The following SKI variants were observed in gnomAD, a reference collection of about 807,000 sequenced individuals.
SKI encodes the protein SKI proto-oncogene, also known as ski oncogene.
SKI carries 23 observed loss-of-function variants against 59.3 expected under a neutral mutation model. The observed-to-expected ratio is 0.39, with a 90% CI of 0.28 to 0.55. The LOEUF is 0.55. Among genes scored for constraint, SKI ranks in the 20% least tolerant of loss-of-function variants. The pLI, the probability that SKI is intolerant of heterozygous loss-of-function variation, is 0.67. For missense variants in SKI, 1,017 were observed against 1,038.9 expected, an observed-to-expected ratio of 0.98 and a Z score of 0.29; for synonymous variants, 673 against 488.6, an observed-to-expected ratio of 1.38 and a Z score of -4.98.
Position 2,304,416 on chromosome 1 carries a change from A to G in SKI, c.1598A>G (p.Asp533Gly), listed in dbSNP as rs1640515094. 6.4e-7 allele frequency: 1 copy of G among 1,554,544 alleles called. No homozygotes were observed. The highest frequency in any genetic ancestry group is 1.2e-5 in the South Asian group (1 of 84,364). ...GTCCCTGATGCTGCGGCCCCTGCCG[A>G]CGCCCCCAGTGGGCTGGAGGCGGAG... is the stretch of plus-strand genomic sequence containing the variant. ...SAVPDAAAPA[D>G]APSGLEAELE... The change falls in exon 5 of 7, where the codon GAC becomes GGC. Residue 533 changes from aspartate (D) to glycine (G), a missense_variant. Coordinates refer to ENST00000378536, the MANE Select transcript of SKI (RefSeq NM_003036.4).
rs1015985847 is a variant in SKI at position 2,303,630 on chromosome 1, C to T, written c.1212-210C>T. 1.4e-6 allele frequency: 1 copy of T among 728,338 alleles called. No individual in the cohort carries two copies. The highest frequency in any genetic ancestry group is 1.8e-5 in the African/African-American group (1 of 56,404). The allele number at this position is 728,338 out of a possible 1,614,324, so 45.1% of individuals were successfully genotyped here. ...GAGCCCTGTCTGCTGGGCGCAGCTT[C>T]TTGATGTGTTGGCCTGTGTCTGGCC... On this transcript the variant is annotated intron_variant, in intron 3 of 6. Coordinates refer to ENST00000378536, the MANE Select transcript of SKI (RefSeq NM_003036.4). The surrounding 1 kb of genome is among the most constrained non-coding windows in gnomAD (Gnocchi z 5.6).
intron 1 of SKI, among the ~76,000 whole-genome samples, chr1:2,285,488 C>T (rs1229724689): frequency 6.6e-6 from 1 of 151,670 alleles, no homozygotes; most frequent in East Asian, 2.0e-4. Context: ...GCACTCCAGC[C>T]TGGGTGACAA....
intron 1 of SKI, among the ~76,000 whole-genome samples, chr1:2,233,163 C>T (rs746496497): frequency 2.6e-5 from 4 of 150,970 alleles, no homozygotes; most frequent in Non-Finnish European, 5.9e-5. Context: ...TCCCTTGGGC[C>T]GTGGCAGGAT....
At chr1:2,289,973 C>G (rs374240880) in intron 1 of SKI, among the ~76,000 whole-genome samples, 36 of 152,266 alleles carry the variant, frequency 2.4e-4, no homozygotes, top group Middle Eastern at 3.4e-3. Flanking sequence ...GGACATGCCA[C>G]CTCCACAGCC....
intron 1 of SKI, among the ~76,000 whole-genome samples, chr1:2,246,695 A>T (rs1478058938): frequency 2.0e-5 from 3 of 152,184 alleles, no homozygotes; most frequent in Non-Finnish European, 4.4e-5. Context: ...CTTCTGTGTG[A>T]TGAAGAGATG....
At chr1:2,233,560 G>C (rs1234090474) in intron 1 of SKI, among the ~76,000 whole-genome samples, 3 of 152,130 alleles carry the variant, frequency 2.0e-5, no homozygotes, top group African/African-American at 7.2e-5. Flanking sequence ...GGGAAGCTCT[G>C]CGCGCTTCCC....
chr1:2,282,481 T>C (rs990783289), intron 1 of SKI, among the ~76,000 whole-genome samples: 24 of 123,534 alleles, frequency 1.9e-4, no homozygotes, highest in Admixed American at 2.3e-4. Context: ...AGACAGGCGG[T>C]GGTGGAGATC....
Position 2,306,036 on chromosome 1 carries a change from G to A in SKI, c.1784G>A (p.Arg595His). The A allele has an allele frequency of 3.1e-6, 5 of 1,587,380 alleles. No homozygotes were observed. The highest frequency in any genetic ancestry group is 4.3e-6 in the Non-Finnish European group (5 of 1,168,696). The change falls in exon 6 of 7, where the codon CGC becomes CAC. Residue 595 changes from arginine to histidine, a missense_variant. Transcript: ENST00000378536. ...GGCCCCCAGGAGCTGGAGTTCCTAC[G>A]CGTGGCCAAGAAGGAGAAGCTGCGG... ...RSLHQELEFL[R>H]VAKKEKLREA...
In SKI at chr1:2,269,852, T is replaced by G. The variant is rs1569772529; in HGVS notation, c.970-33126T>G. On this transcript the variant is annotated intron_variant, in intron 1 of 6. Coordinates refer to ENST00000378536, the MANE Select transcript of SKI (RefSeq NM_003036.4). This position sits in a 1 kb window ranked among gnomAD's most constrained non-coding sequence, Gnocchi z 4.7. ...GCTGGCGTGGGTCTGGCGGGTCTGG[T>G]GGTGCCTGTGGCTGGCGTGGGTCTG... Among the ~76,000 whole-genome samples, 2 of 128,520 alleles carry G rather than the reference T, an allele frequency of 1.6e-5. No individual in the cohort carries two copies. Among genetic ancestry groups the G allele is most frequent in the East Asian group, 2.3e-4 (1 of 4,346 alleles). The allele number at this position is 128,520 out of a possible 152,430, so 84.3% of individuals were successfully genotyped here.
chr1:2,288,200 T>A (rs1168654790), intron 1 of SKI, among the ~76,000 whole-genome samples: 1 of 152,166 alleles, frequency 6.6e-6, no homozygotes, highest in Non-Finnish European at 1.5e-5. Flanking sequence ...TGGGCCAGGC[T>A]GGTCTCGAAC....
intron 1 of SKI, among the ~76,000 whole-genome samples, chr1:2,273,104 T>C (rs1381698611): frequency 1.3e-5 from 2 of 152,210 alleles, no homozygotes; most frequent in African/African-American, 4.8e-5. Flanking sequence ...CCGAGGCCAT[T>C]TGGCCCTTCA....
rs1386459455 is a variant in SKI at position 2,270,716 on chromosome 1, C to T, written c.970-32262C>T. Among the ~76,000 whole-genome samples the T allele has an allele frequency of 6.6e-6, 1 of 152,192 alleles. No homozygotes were observed. The highest frequency in any genetic ancestry group is 1.5e-5 in the Non-Finnish European group (1 of 68,012). On this transcript the variant is annotated intron_variant, in intron 1 of 6. Coordinates refer to ENST00000378536, the MANE Select transcript of SKI (RefSeq NM_003036.4). This position sits in a 1 kb window ranked among gnomAD's most constrained non-coding sequence, Gnocchi z 4.1. Reference sequence around the variant, plus strand: ...AGGTGGGGCGGGAGCAGAGACTGGACCTGGCCAGCCCCTCCCGCTTCCCTT... The same window carrying T: ...AGGTGGGGCGGGAGCAGAGACTGGATCTGGCCAGCCCCTCCCGCTTCCCTT...
At chr1:2,276,036 T>C (rs1639735371) in intron 1 of SKI, among the ~76,000 whole-genome samples, 1 of 152,198 alleles carries the variant, frequency 6.6e-6, no homozygotes, top group African/African-American at 2.4e-5. Context: ...AGCAATCTCC[T>C]TGTGCTCTTT....
At position 2,270,326 on chromosome 1, in the gene SKI, C is replaced by T. The variant is rs1639589251; in HGVS notation, c.970-32652C>T. Reference sequence around the variant, plus strand: ...TAGGGGCTGAGAGATGCTGGTGACACCACTCTGACGCCACGGCCTGAGGCA... The same window carrying T: ...TAGGGGCTGAGAGATGCTGGTGACATCACTCTGACGCCACGGCCTGAGGCA... On this transcript the variant is annotated intron_variant, in intron 1 of 6. Coordinates refer to ENST00000378536, the MANE Select transcript of SKI (RefSeq NM_003036.4). The surrounding 1 kb of genome is among the most constrained non-coding windows in gnomAD (Gnocchi z 4.1). Among the ~76,000 whole-genome samples, 1 of 152,192 alleles carries T rather than the reference C, an allele frequency of 6.6e-6. No individual in the cohort carries two copies. The highest frequency in any genetic ancestry group is 2.4e-5 in the African/African-American group (1 of 41,442).
chr1:2,290,062 C>T (rs949622957), intron 1 of SKI, among the ~76,000 whole-genome samples: 1 of 152,144 alleles, frequency 6.6e-6, no homozygotes, highest in Non-Finnish European at 1.5e-5. Context: ...TCTTGTGTGG[C>T]GCCGGGGGTC....
chr1:2,263,592 T>C (rs1478481768), intron 1 of SKI, among the ~76,000 whole-genome samples: 1 of 152,076 alleles, frequency 6.6e-6, no homozygotes, highest in African/African-American at 2.4e-5. Flanking sequence ...TTTTTCTTCT[T>C]CTTCCCGTGT....
At chr1:2,304,264 CTTTG>C (rs1557852123) in intron 4 of SKI, 25 bp from the exon 5 acceptor site, 2 of 1,551,708 alleles carry the variant, frequency 1.3e-6, no homozygotes, top group Non-Finnish European at 8.7e-7. Flanking sequence ...ACTTCCATGA[CTTTG>C]TTTCTGTCTC....
chr1:2,298,965 C>G (rs908132228), intron 1 of SKI, among the ~76,000 whole-genome samples: 7 of 152,186 alleles, frequency 4.6e-5, no homozygotes, highest in Admixed American at 6.5e-5. Flanking sequence ...TTGGGTGGAG[C>G]CTTGCCTGCT....
intron 1 of SKI, among the ~76,000 whole-genome samples, chr1:2,273,558 T>C (rs1194030355): frequency 2.0e-5 from 3 of 152,260 alleles, no homozygotes; most frequent in Admixed American, 6.5e-5. Flanking sequence ...CCCGTGACCC[T>C]GCCTGGGGCG....
Sources: gnomAD v4.1 joint callset for allele counts (sites outside exome capture counted in the v4.1 genomes callset) on GRCh38, gnomAD v4.1.1 for gene constraint, Gnocchi (gnomAD v3.1) non-coding constraint, MANE v1.5 for transcripts, NCBI Gene and HGNC (gene_info 2026-07-23, HGNC 2026-07-21) for gene names.